The following NADK variants were observed in gnomAD, a reference collection of about 807,000 sequenced individuals.
The protein encoded by NADK is NAD kinase.
A neutral mutation model predicts 49.8 loss-of-function variants in NADK; 22 were observed. The ratio of observed to expected loss-of-function variants is 0.44; its 90% confidence interval spans 0.32 to 0.63. The LOEUF is 0.63. NADK is among the 30% of genes least tolerant of loss of function. The pLI, the probability that NADK is intolerant of heterozygous loss-of-function variation, is 0.06. For missense variants in NADK, 438 were observed against 609.4 expected, an observed-to-expected ratio of 0.72 and a Z score of 2.96; for synonymous variants, 268 against 253.7, an observed-to-expected ratio of 1.06 and a Z score of -0.54.
At chr1:1,765,799 A>G (rs569712447) in intron 1 of NADK, among the ~76,000 whole-genome samples, 1 of 152,078 alleles carries the variant, frequency 6.6e-6, no homozygotes, top group African/African-American at 2.4e-5. Context: ...AGTCCTAGCT[A>G]CTCGGTAGAC....
rs1645476001 is a variant in NADK at position 1,755,229 on chromosome 1, C to T, written c.688+145G>A. The stretch of plus-strand genomic sequence containing the variant: ...TCTCAGTGTCAGTAAAAGGTTTGAA[C>T]CACTCAAGATTTAGAAATCCCTGAA... On this transcript the variant is annotated intron_variant, in intron 7 of 11. Coordinates refer to ENST00000341426, the MANE Select transcript of NADK (RefSeq NM_023018.5). 5.8e-6 allele frequency: 4 copies of T among 688,564 alleles called. No individual in the cohort carries two copies. The East Asian group carries it at 1.0e-4, about 17-fold the overall frequency. 42.7% of individuals were successfully genotyped at this position (688,564 alleles called of 1,614,324 possible).
chr1:1,756,617 A>G lies in NADK; in HGVS notation c.394-9T>C. On this transcript the variant is annotated splice_polypyrimidine_tract_variant and intron_variant, in intron 4 of 11. Coordinates refer to ENST00000341426, the MANE Select transcript of NADK (RefSeq NM_023018.5). Reference sequence around the variant, plus strand: ...TACACGATCATGTTCTCCTGGAAGCAAAGTGCCAACCTGCTCATTCCACCT... The same window carrying G: ...TACACGATCATGTTCTCCTGGAAGCGAAGTGCCAACCTGCTCATTCCACCT... The G allele has an allele frequency of 6.2e-7, 1 of 1,614,036 alleles. No individual in the cohort carries two copies. Among genetic ancestry groups the G allele is most frequent in the East Asian group, 2.2e-5 (1 of 44,870 alleles).
At chr1:1,759,174 C>A in intron 3 of NADK, 4 of 1,567,030 alleles carry the variant, frequency 2.6e-6, no homozygotes, top group Non-Finnish European at 3.5e-6. Flanking sequence ...GCAGCGGCGT[C>A]GTACACCGGC....
intron 3 of NADK, chr1:1,759,173 T>C: frequency 6.4e-7 from 1 of 1,566,746 alleles, no homozygotes; most frequent in Non-Finnish European, 8.6e-7. Context: ...AGCAGCGGCG[T>C]CGTACACCGG....
rs575028119 is a variant in NADK, at chr1:1,754,223, C to G, written c.944-15G>C. 1 of 1,612,816 alleles carries G rather than the reference C, an allele frequency of 6.2e-7. No homozygotes were observed. The highest frequency in any genetic ancestry group is 1.3e-5 in the African/African-American group (1 of 74,904). ...CACGATCACTCCTGACAGGGACAGG[C>G]GCAGGCGTCACTCCCGCCCGAGGGA... On this transcript the variant is annotated splice_polypyrimidine_tract_variant and intron_variant, in intron 9 of 11. Transcript: ENST00000341426. This position sits in a 1 kb window ranked among gnomAD's most constrained non-coding sequence, Gnocchi z 4.3.
Position 1,764,315 on chromosome 1 carries a change from C to G in NADK, c.179+913G>C, listed in dbSNP as rs138923990. Among the ~76,000 whole-genome samples the G allele has an allele frequency of 2.1e-3, 321 of 152,334 alleles. 2 individuals carry two copies. The Middle Eastern group carries it at 0.027, about 13-fold the overall frequency. The stretch of plus-strand genomic sequence containing the variant: ...CTCACCACATTTACCATCACCAGAA[C>G]CGAGAGCACCATCCCCAGGCACCAT... On this transcript the variant is annotated intron_variant, in intron 2 of 11. Transcript: ENST00000341426.
Position 1,754,275 on chromosome 1 carries a change from G to C in NADK, c.943+9C>G, listed in dbSNP as rs368852008. On this transcript the variant is annotated intron_variant, in intron 9 of 11. Coordinates refer to ENST00000341426, the MANE Select transcript of NADK (RefSeq NM_023018.5). The surrounding 1 kb of genome is among the most constrained non-coding windows in gnomAD (Gnocchi z 4.3). ...GCTCAGGGCCCCAGGACAGTGCTGC[G>C]GGCCTTACCGTCGCCCTGCACCGTG... The C allele has an allele frequency of 6.2e-7, 1 of 1,613,550 alleles. No individual in the cohort carries two copies. The highest frequency in any genetic ancestry group is 8.5e-7 in the Non-Finnish European group (1 of 1,179,918).
Position 1,754,862 on chromosome 1 carries a change from C to A in NADK, c.689-164G>T. 3.0e-6 allele frequency: 2 copies of A among 657,804 alleles called. No homozygotes were observed. 40.7% of individuals were successfully genotyped at this position (657,804 alleles called of 1,614,324 possible). A position where few individuals can be genotyped will look rare whatever the true frequency, so the allele number is the denominator to read the frequency against. Reference sequence around the variant, plus strand: ...TTTGAGATGGAGTCTCACTCTGTCACCCAGGCTGGAATGCAGTGGTGTGAT... The same window carrying A: ...TTTGAGATGGAGTCTCACTCTGTCAACCAGGCTGGAATGCAGTGGTGTGAT... On this transcript the variant is annotated intron_variant, in intron 7 of 11. Transcript: ENST00000341426. The surrounding 1 kb of genome is among the most constrained non-coding windows in gnomAD (Gnocchi z 4.3).
At chr1:1,759,629 G>A (rs1645650503) in intron 3 of NADK, 15 of 1,280,314 alleles carry the variant, frequency 1.2e-5, no homozygotes, top group Non-Finnish European at 1.5e-5. Context: ...GCGGGGATGG[G>A]AAGCGGGAGG....
intron 3 of NADK, among the ~76,000 whole-genome samples, chr1:1,758,124 G>A (rs901098832): frequency 6.6e-6 from 1 of 152,176 alleles, no homozygotes; most frequent in African/African-American, 2.4e-5. Context: ...CGTCGTCAGC[G>A]CTCACCGCCT....
intron 1 of NADK, among the ~76,000 whole-genome samples, chr1:1,776,698 G>T (rs547878163): frequency 6.8e-6 from 1 of 146,112 alleles, no homozygotes; most frequent in African/African-American, 2.5e-5. Context: ...ACTTGAACCC[G>T]GGAGGTGGAG....
chr1:1,756,751 T>C (rs1645536494), intron 4 of NADK, 143 bp from the exon 5 acceptor site: 2 of 1,447,332 alleles, frequency 1.4e-6, no homozygotes, highest in South Asian at 1.2e-5. Context: ...TGAAACTTCA[T>C]CACCAACGCG....
chr1:1,760,476 C>T (rs1262473260), intron 3 of NADK, among the ~76,000 whole-genome samples: 1 of 152,224 alleles, frequency 6.6e-6, no homozygotes, highest in Non-Finnish European at 1.5e-5. Flanking sequence ...GCTGGGGCCT[C>T]CGTCCCTGCT....
intron 1 of NADK, among the ~76,000 whole-genome samples, chr1:1,770,601 G>A (rs562783194): frequency 1.6e-4 from 25 of 152,044 alleles, no homozygotes; most frequent in East Asian, 9.7e-4. Flanking sequence ...GCATGGTGGC[G>A]GGTGCCTGTA....
intron 1 of NADK, 130 bp from the exon 2 acceptor site, chr1:1,765,576 T>C: frequency 2.1e-6 from 1 of 478,314 alleles, no homozygotes; most frequent in Non-Finnish European, 3.5e-6. Context: ...CCAAAGTACT[T>C]TGAAAACAGA....
At chr1:1,762,759 A>AAATG (rs145189624) in intron 2 of NADK, among the ~76,000 whole-genome samples, 11,007 of 149,032 alleles carry the variant, frequency 0.074, 488 homozygotes, top group Non-Finnish European at 0.097. Flanking sequence ...CTCTGTCTCA[A>AAATG]AATGAATGAA....
chr1:1,760,356 C>G (rs1645680070), intron 3 of NADK, among the ~76,000 whole-genome samples: 1 of 152,344 alleles, frequency 6.6e-6, no homozygotes, highest in Non-Finnish European at 1.5e-5. Context: ...GCAAGGCCAA[C>G]CCCCGTCCTG....
chr1:1,772,422 A>G (rs1423852509), intron 1 of NADK, among the ~76,000 whole-genome samples: 1 of 152,092 alleles, frequency 6.6e-6, no homozygotes, highest in Non-Finnish European at 1.5e-5. Flanking sequence ...CCTCAGCATC[A>G]TAATGTGCTT....
chr1:1,754,229 C>T lies in NADK; in HGVS notation c.944-21G>A, dbSNP rs540740695. On this transcript the variant is annotated intron_variant, in intron 9 of 11. Coordinates refer to ENST00000341426, the MANE Select transcript of NADK (RefSeq NM_023018.5). This position sits in a 1 kb window ranked among gnomAD's most constrained non-coding sequence, Gnocchi z 4.3. ...CACTCCTGACAGGGACAGGCGCAGG[C>T]GTCACTCCCGCCCGAGGGACGCTCA... The T allele has an allele frequency of 9.9e-6, 16 of 1,612,998 alleles. No homozygotes were observed. The highest frequency in any genetic ancestry group is 9.3e-5 in the African/African-American group (7 of 75,016).
Sources: allele counts gnomAD v4.1 joint callset (sites outside exome capture counted in the v4.1 genomes callset), GRCh38; gene constraint gnomAD v4.1.1; non-coding constraint Gnocchi (gnomAD v3.1); transcripts MANE v1.5; gene names NCBI Gene and HGNC (gene_info 2026-07-23, HGNC 2026-07-21).